Variants in TTC7B observed in about 807,000 individuals in gnomAD.
The protein encoded by TTC7B is tetratricopeptide repeat protein 7B.
Under a neutral mutation model 106.8 loss-of-function variants are expected in TTC7B, and 28 were observed. The observed-to-expected ratio is 0.26, with a 90% CI of 0.19 to 0.36. The LOEUF (loss-of-function observed/expected upper bound fraction) is 0.36. TTC7B is among the 10% of genes least tolerant of loss of function. The pLI is 1.00. For missense variants in TTC7B, 862 were observed against 1,076.4 expected, an observed-to-expected ratio of 0.80 and a Z score of 2.79; for synonymous variants, 405 against 430.6, an observed-to-expected ratio of 0.94 and a Z score of 0.74.
chr14:90,528,447 C>T lies in TTC7B; in HGVS notation c.*12921G>A, dbSNP rs1361494573. On this transcript the variant is annotated 3_prime_UTR_variant, in exon 20 of 20. Transcript: ENST00000328459. ...CCAGGCTGGGGTGCAGTGGCATAAT[C>T]ACTGCAGCCTTGACCTCCCACTTTG... 1 of 152,506 alleles carries T rather than the reference C, an allele frequency of 6.6e-6. No homozygotes were observed. The highest frequency in any genetic ancestry group is 1.5e-5 in the Non-Finnish European group (1 of 68,250). 9.4% of individuals were successfully genotyped at this position (152,506 alleles called of 1,614,324 possible).
intron 4 of TTC7B, among the ~76,000 whole-genome samples, chr14:90,734,929 A>T (rs1412777962): frequency 5.3e-5 from 8 of 152,062 alleles, no homozygotes; most frequent in Non-Finnish European, 1.0e-4. Flanking sequence ...GATTACAGGC[A>T]TGCGCCACCA....
intron 9 of TTC7B, among the ~76,000 whole-genome samples, chr14:90,664,237 CATAAA>C (rs1886320983): frequency 1.3e-5 from 2 of 152,108 alleles, no homozygotes; most frequent in East Asian, 1.9e-4. Flanking sequence ...AGATGGAGAA[CATAAA>C]ATAAAAGCAT....
At chr14:90,767,153 A>G (rs868318668) in intron 3 of TTC7B, among the ~76,000 whole-genome samples, 1 of 152,158 alleles carries the variant, frequency 6.6e-6, no homozygotes, top group Non-Finnish European at 1.5e-5. Flanking sequence ...CAGGAGCTCA[A>G]GGTTACAGTG....
intron 6 of TTC7B, among the ~76,000 whole-genome samples, chr14:90,694,477 ACTG>A (rs941471967): frequency 2.0e-5 from 3 of 151,546 alleles, no homozygotes; most frequent in Non-Finnish European, 2.9e-5. Flanking sequence ...AAATGAGTAA[ACTG>A]CTATTTATAT....
At chr14:90,585,188 G>A (rs1891663281) in intron 18 of TTC7B, among the ~76,000 whole-genome samples, 1 of 152,168 alleles carries the variant, frequency 6.6e-6, no homozygotes, top group Non-Finnish European at 1.5e-5. Context: ...TGCCAGGGTC[G>A]GGCTGTGCAA....
intron 18 of TTC7B, among the ~76,000 whole-genome samples, chr14:90,592,708 CA>C (rs532130582): frequency 2.4e-3 from 287 of 118,316 alleles, no homozygotes; most frequent in Non-Finnish European, 2.3e-3. Context: ...GACTCTGTCT[CA>C]AAAAAAAAAA....
intron 5 of TTC7B, among the ~76,000 whole-genome samples, chr14:90,724,837 T>A (rs1889029799): frequency 6.6e-6 from 1 of 152,220 alleles, no homozygotes. Flanking sequence ...ATTAACTGAA[T>A]GAACAAATGA....
chr14:90,606,395 A>G lies in TTC7B; in HGVS notation c.1966+4347T>C, dbSNP rs547784281. On this transcript the variant is annotated intron_variant, in intron 17 of 19. Transcript: ENST00000328459. ...GCTGCAATTAGAAATTTTCCCAAACAAAGTGGATCAAACTTTCAAGTTAAA... is the reference window on the plus strand; with the variant it reads ...GCTGCAATTAGAAATTTTCCCAAACGAAGTGGATCAAACTTTCAAGTTAAA... 2.6e-5 allele frequency among the ~76,000 whole-genome samples: 4 copies of G among 152,346 alleles called. No homozygotes were observed. The East Asian group carries it at 7.7e-4, about 29-fold the overall frequency.
At chr14:90,713,782 A>G (rs1473020889) in intron 5 of TTC7B, among the ~76,000 whole-genome samples, 1 of 152,258 alleles carries the variant, frequency 6.6e-6, no homozygotes, top group African/African-American at 2.4e-5. Flanking sequence ...AGCAAGAACA[A>G]TCCAAATGTC....
intron 1 of TTC7B, among the ~76,000 whole-genome samples, chr14:90,800,411 T>C (rs1566894985): frequency 6.6e-6 from 1 of 152,192 alleles, no homozygotes; most frequent in African/African-American, 2.4e-5. Context: ...CATGTTGTTT[T>C]ACATGGCAAA....
chr14:90,530,547 G>GT lies in TTC7B; in HGVS notation c.*10820dup, dbSNP rs1045264971. 2 of 152,214 alleles carry GT rather than the reference G, an allele frequency of 1.3e-5. No individual in the cohort carries two copies. The highest frequency in any genetic ancestry group is 4.8e-5 in the African/African-American group (2 of 41,430). The allele number at this position is 152,214 out of a possible 1,614,324, so 9.4% of individuals were successfully genotyped here. ...GGGGAGAGTGTCTTGGATTATCCAG[G>GT]TAAGACCAATGTAATCAGGAGGCTC... is the stretch of plus-strand genomic sequence containing the variant. On this transcript the variant is annotated 3_prime_UTR_variant, in exon 20 of 20. Transcript: ENST00000328459.
chr14:90,629,242 C>CT (rs34061423), intron 15 of TTC7B, among the ~76,000 whole-genome samples: 109,843 of 151,112 alleles, frequency 0.73, 40,112 homozygotes, highest in Admixed American at 0.77. Context: ...TCTCAGGTTC[C>CT]TTTTTTTTTC....
At position 90,654,004 on chromosome 14, in the gene TTC7B, C is replaced by A. The variant is rs571780827; in HGVS notation, c.1459+989G>T. ...GTATATGGAAAATTAGCAAGTAATC[C>A]ATATTGAAAAGTAATTAATATGCAC... On this transcript the variant is annotated intron_variant, in intron 12 of 19. Transcript: ENST00000328459. Among the ~76,000 whole-genome samples the A allele has an allele frequency of 2.0e-5, 3 of 152,240 alleles. No homozygotes were observed. The South Asian group carries it at 6.2e-4, about 32-fold the overall frequency.
At chr14:90,729,119 C>T (rs1316047813) in intron 5 of TTC7B, among the ~76,000 whole-genome samples, 1 of 152,174 alleles carries the variant, frequency 6.6e-6, no homozygotes, top group Non-Finnish European at 1.5e-5. Flanking sequence ...GCCTCTGGAC[C>T]AAAGCAGGCC....
intron 1 of TTC7B, among the ~76,000 whole-genome samples, chr14:90,800,639 G>A (rs1286543763): frequency 6.6e-6 from 1 of 152,006 alleles, no homozygotes; most frequent in African/African-American, 2.4e-5. Context: ...GTGAAACCCT[G>A]TCTCTACTAA....
chr14:90,581,640 G>A (rs1479267566), intron 18 of TTC7B, among the ~76,000 whole-genome samples: 1 of 151,968 alleles, frequency 6.6e-6, no homozygotes, highest in Non-Finnish European at 1.5e-5. Context: ...GGCTGGTGAG[G>A]CCGCCCAGCC....
intron 7 of TTC7B, among the ~76,000 whole-genome samples, chr14:90,688,130 T>G (rs1887318936): frequency 6.6e-6 from 1 of 152,212 alleles, no homozygotes; most frequent in South Asian, 2.1e-4. Context: ...TCTTCAATAT[T>G]TATTCATGTG....
Position 90,608,569 on chromosome 14 carries a change from G to A in TTC7B, c.1966+2173C>T, listed in dbSNP as rs758906749. ...TCTGGAAGTGAATGGTGGCCCACCC[G>A]AGAGACTGGCTGCATCAGTACCACT... is the stretch of plus-strand genomic sequence containing the variant. On this transcript the variant is annotated intron_variant, in intron 17 of 19. Transcript: ENST00000328459. The surrounding 1 kb of genome is among the most constrained non-coding windows in gnomAD (Gnocchi z 5.1). 5.9e-5 allele frequency among the ~76,000 whole-genome samples: 9 copies of A among 152,102 alleles called. No individual in the cohort carries two copies. The highest frequency in any genetic ancestry group is 3.9e-4 in the East Asian group (2 of 5,194).
At chr14:90,644,577 C>T (rs377022169) in intron 14 of TTC7B, among the ~76,000 whole-genome samples, 1 of 152,192 alleles carries the variant, frequency 6.6e-6, no homozygotes, top group African/African-American at 2.4e-5. Context: ...GATGATTTTG[C>T]TCTAAGTGGA....
Sources: allele counts gnomAD v4.1 joint callset (sites outside exome capture counted in the v4.1 genomes callset), GRCh38; gene constraint gnomAD v4.1.1; non-coding constraint Gnocchi (gnomAD v3.1); transcripts MANE v1.5; gene names NCBI Gene and HGNC (gene_info 2026-07-23, HGNC 2026-07-21).